The following HPSE2 variants were observed in gnomAD, a reference collection of about 807,000 sequenced individuals.
HPSE2 encodes heparanase 2 (inactive).
A neutral mutation model predicts 60.5 loss-of-function variants in HPSE2; 38 were observed. The observed-to-expected ratio is 0.63, with a 90% CI of 0.48 to 0.82. The LOEUF (loss-of-function observed/expected upper bound fraction) is 0.82. Among genes scored for constraint, HPSE2 ranks in the 40% least tolerant of loss-of-function variants. The pLI, the probability that HPSE2 is intolerant of heterozygous loss-of-function variation, is 0.00. For synonymous variants in HPSE2, 295 were observed against 293.2 expected (o/e 1.01, Z -0.06); for missense variants, 713 against 740.4 (o/e 0.96, Z 0.43).
At chr10:98,740,882 G>A (rs764159396) in intron 4 of HPSE2, among the ~76,000 whole-genome samples, 1 of 152,050 alleles carries the variant, frequency 6.6e-6, no homozygotes, top group Non-Finnish European at 1.5e-5. Context: ...ATATTTTGAG[G>A]GGGAAGAGGC....
chr10:98,713,993 AC>A (rs1948734275), intron 5 of HPSE2, among the ~76,000 whole-genome samples: 1 of 151,536 alleles, frequency 6.6e-6, no homozygotes, highest in South Asian at 2.1e-4. Flanking sequence ...CTGTCCCTTT[AC>A]TTTTATATTG....
intron 3 of HPSE2, among the ~76,000 whole-genome samples, chr10:99,039,466 T>C (rs998573240): frequency 6.6e-6 from 1 of 151,740 alleles, no homozygotes; most frequent in Non-Finnish European, 1.5e-5. Flanking sequence ...AAAATCACTA[T>C]GTAAAGTCCT....
rs778726572 is a variant in HPSE2 at position 98,459,702 on chromosome 10, C to T, written c.1651G>A (p.Asp551Asn). The change falls in exon 12 of 12, where the codon GAC becomes AAC. Residue 551 changes from aspartate to asparagine, a missense_variant. Transcript: ENST00000370552. The part of the protein sequence containing the change: ...QLNGQPLVMV[D>N]DGTLPELKPR... Reference sequence around the variant, plus strand: ...TTCAATTCTGGGAGGGTCCCGTCGTCCACCATCACTAAGGGCTGGCCATTC... The same window carrying T: ...TTCAATTCTGGGAGGGTCCCGTCGTTCACCATCACTAAGGGCTGGCCATTC... 2 of 1,614,018 alleles carry T rather than the reference C, an allele frequency of 1.2e-6. No individual in the cohort carries two copies. Among genetic ancestry groups the T allele is most frequent in the Non-Finnish European group, 1.7e-6 (2 of 1,179,994 alleles).
chr10:99,057,394 A>G (rs1490479211), intron 3 of HPSE2, among the ~76,000 whole-genome samples: 2 of 152,184 alleles, frequency 1.3e-5, no homozygotes, highest in African/African-American at 4.8e-5. Context: ...CTCCCATTTA[A>G]TACTCTACAG....
intron 3 of HPSE2, among the ~76,000 whole-genome samples, chr10:98,998,993 T>C (rs1285716351): frequency 6.6e-6 from 1 of 152,198 alleles, no homozygotes; most frequent in Admixed American, 6.5e-5. Flanking sequence ...TATTATTGCT[T>C]GGATCCAAGT....
intron 3 of HPSE2, among the ~76,000 whole-genome samples, chr10:98,877,746 G>A (rs1327618198): frequency 6.6e-6 from 1 of 151,842 alleles, no homozygotes; most frequent in Non-Finnish European, 1.5e-5. Context: ...CCAATTTTTT[G>A]TAGGATTGTG....
intron 2 of HPSE2, among the ~76,000 whole-genome samples, chr10:99,201,208 A>G (rs1848565897): frequency 6.6e-6 from 1 of 152,170 alleles, no homozygotes; most frequent in Non-Finnish European, 1.5e-5. Flanking sequence ...AAATAATTGC[A>G]AAGGATATTA....
intron 3 of HPSE2, among the ~76,000 whole-genome samples, chr10:98,975,287 A>G (rs1289712745): frequency 2.0e-5 from 3 of 152,100 alleles, no homozygotes; most frequent in Non-Finnish European, 2.9e-5. Flanking sequence ...AGAGTAAACT[A>G]ACTGATCAAA....
chr10:99,047,009 C>T (rs1212156355), intron 3 of HPSE2, among the ~76,000 whole-genome samples: 1 of 152,036 alleles, frequency 6.6e-6, no homozygotes, highest in Non-Finnish European at 1.5e-5. Context: ...ACCCAAATAG[C>T]CAAAGCAATC....
At chr10:98,873,764 G>A (rs769162925) in intron 3 of HPSE2, among the ~76,000 whole-genome samples, 3 of 151,886 alleles carry the variant, frequency 2.0e-5, no homozygotes, top group Admixed American at 6.6e-5. Flanking sequence ...GGTATTTCTC[G>A]TTCTAGATCT....
intron 3 of HPSE2, among the ~76,000 whole-genome samples, chr10:99,038,515 G>T (rs1313508802): frequency 6.6e-6 from 1 of 152,094 alleles, no homozygotes; most frequent in East Asian, 1.9e-4. Flanking sequence ...TTTAGGAATT[G>T]GGGGGAAGCA....
chr10:98,624,511 G>A (rs1480758022), intron 7 of HPSE2, among the ~76,000 whole-genome samples: 1 of 152,154 alleles, frequency 6.6e-6, no homozygotes, highest in Non-Finnish European at 1.5e-5. Context: ...TATTCTGAGT[G>A]TGATGGAAAG....
intron 9 of HPSE2, among the ~76,000 whole-genome samples, chr10:98,522,145 A>T (rs1476875276): frequency 6.6e-6 from 1 of 152,124 alleles, no homozygotes; most frequent in Non-Finnish European, 1.5e-5. Context: ...ATAAAAAAAA[A>T]AAGAATCAAC....
chr10:98,600,387 C>T (rs1462923031), intron 9 of HPSE2, among the ~76,000 whole-genome samples: 7 of 152,124 alleles, frequency 4.6e-5, no homozygotes, highest in Non-Finnish European at 7.4e-5. Context: ...CTTTGAAAGA[C>T]AGCTTGAGTT....
At chr10:99,244,483 T>TG in the HPSE2 span, among the ~76,000 whole-genome samples, 1 of 149,120 alleles carries the variant, frequency 6.7e-6, no homozygotes, top group African/African-American at 2.5e-5. Flanking sequence ...CATGGCTCAC[T>TG]GCAGTCTCTA....
Position 99,182,970 on chromosome 10 carries a change from C to A in HPSE2, c.449-38571G>T, listed in dbSNP as rs114439326. Among the ~76,000 whole-genome samples, 1,391 of 151,546 alleles carry A rather than the reference C, an allele frequency of 9.2e-3. 24 individuals carry two copies. The highest frequency in any genetic ancestry group is 0.031 in the African/African-American group (1,277 of 41,292). On this transcript the variant is annotated intron_variant, in intron 2 of 11. Coordinates refer to ENST00000370552, the MANE Select transcript of HPSE2 (RefSeq NM_021828.5). ...GAGATCACGCCACCACACACACACA[C>A]AAAAAAAACTAAAAAACAAATCAAA...
intron 9 of HPSE2, among the ~76,000 whole-genome samples, chr10:98,561,225 G>A (rs961455084): frequency 6.7e-6 from 1 of 150,022 alleles, no homozygotes; most frequent in Non-Finnish European, 1.5e-5. Context: ...GGAGTGCAGT[G>A]GCATGATCTC....
At chr10:98,516,722 C>T (rs921217075) in intron 9 of HPSE2, among the ~76,000 whole-genome samples, 1 of 152,152 alleles carries the variant, frequency 6.6e-6, no homozygotes, top group Non-Finnish European at 1.5e-5. Flanking sequence ...CCCCATGCTG[C>T]CCTGTATCCC....
At chr10:98,521,807 A>G (rs2133774974) in intron 9 of HPSE2, among the ~76,000 whole-genome samples, 1 of 152,346 alleles carries the variant, frequency 6.6e-6, no homozygotes, top group East Asian at 1.9e-4. Context: ...GCAGCCATAA[A>G]AAAGGATGAG....
Sources: allele counts gnomAD v4.1 joint callset (sites outside exome capture counted in the v4.1 genomes callset), GRCh38; gene constraint gnomAD v4.1.1; transcripts MANE v1.5; gene names NCBI Gene and HGNC (gene_info 2026-07-23, HGNC 2026-07-21).